The following FYN variants were observed in gnomAD, a reference collection of about 807,000 sequenced individuals.
FYN encodes FYN proto-oncogene, Src family tyrosine kinase.
Under a neutral mutation model 70.2 loss-of-function variants are expected in FYN, and 10 were observed. The observed-to-expected ratio is 0.14, with a 90% CI of 0.09 to 0.24. The LOEUF is 0.24. FYN is among the 10% of genes least tolerant of loss of function. The pLI is 1.00. For synonymous variants in FYN, 236 were observed against 248.6 expected, an observed-to-expected ratio of 0.95 and a Z score of 0.48; for missense variants, 319 against 673.1, an observed-to-expected ratio of 0.47 and a Z score of 5.82.
intron 3 of FYN, among the ~76,000 whole-genome samples, chr6:111,742,967 CTT>C (rs111682950): frequency 1.8e-3 from 253 of 139,122 alleles, no homozygotes; most frequent in African/African-American, 3.1e-3. Context: ...TGATAAGAAT[CTT>C]TTTTTTTTTT....
chr6:111,748,048 T>C (rs1039712097), intron 3 of FYN, among the ~76,000 whole-genome samples: 1 of 152,226 alleles, frequency 6.6e-6, no homozygotes. Flanking sequence ...GATGAAGACA[T>C]AGAAAGCAAA....
intron 2 of FYN, among the ~76,000 whole-genome samples, chr6:111,822,998 T>C (rs888320871): frequency 6.6e-6 from 1 of 152,222 alleles, no homozygotes; most frequent in Non-Finnish European, 1.5e-5. Context: ...TGTAAGGGGA[T>C]GAGCAGTAGG....
chr6:111,700,149 A>G lies in FYN; in HGVS notation c.817T>C (p.Leu273=). 6 of 1,613,976 alleles carry G rather than the reference A, an allele frequency of 3.7e-6. No homozygotes were observed. Among genetic ancestry groups the G allele is most frequent in the Non-Finnish European group, 5.1e-6 (6 of 1,179,982 alleles). ...VWEIPRESLQ[L]IKRLGNGQFG... is the part of the protein sequence containing the mutation. ...TGCCCATTTCCCAGTCTCTTGATCA[A>G]CTGCAGGGATTCTCGAGGGATTTCC... Residue 273 remains leucine, a synonymous_variant, in exon 9 of 14, where the codon TTG becomes CTG. Transcript: ENST00000354650.
At chr6:111,797,479 T>A (rs1041694444) in intron 2 of FYN, among the ~76,000 whole-genome samples, 3 of 151,706 alleles carry the variant, frequency 2.0e-5, no homozygotes, top group Non-Finnish European at 4.4e-5. Flanking sequence ...CTCCAGAATG[T>A]TTAGTACAGC....
intron 3 of FYN, among the ~76,000 whole-genome samples, chr6:111,749,911 T>C (rs1043199469): frequency 6.6e-6 from 1 of 152,046 alleles, no homozygotes; most frequent in Non-Finnish European, 1.5e-5. Context: ...TGGAGACCTC[T>C]AGGAAGACTG....
intron 2 of FYN, among the ~76,000 whole-genome samples, chr6:111,834,726 G>A (rs1223226660): frequency 2.0e-5 from 3 of 152,132 alleles, no homozygotes; most frequent in African/African-American, 7.2e-5. Flanking sequence ...CGGCAGTGCT[G>A]GCCTAGGTCT....
chr6:111,829,351 T>G (rs148479999), intron 2 of FYN, among the ~76,000 whole-genome samples: 154 of 152,238 alleles, frequency 1.0e-3, no homozygotes, highest in African/African-American at 3.6e-3. Context: ...GCTCAACCTA[T>G]CTCACCGGTC....
At chr6:111,843,716 C>G (rs778217307) in intron 2 of FYN, among the ~76,000 whole-genome samples, 1 of 152,158 alleles carries the variant, frequency 6.6e-6, no homozygotes, top group Non-Finnish European at 1.5e-5. Context: ...TTTAAGAGGG[C>G]CTACTATGAG....
intron 10 of FYN, among the ~76,000 whole-genome samples, chr6:111,695,175 G>A (rs958887621): frequency 7.9e-5 from 12 of 152,194 alleles, no homozygotes; most frequent in South Asian, 4.1e-4. Flanking sequence ...ATCCCAGATC[G>A]AGTAAATCAG....
intron 13 of FYN, among the ~76,000 whole-genome samples, chr6:111,666,940 A>G (rs1326005940): frequency 2.0e-5 from 3 of 152,194 alleles, no homozygotes; most frequent in Non-Finnish European, 4.4e-5. Context: ...CCGACATAGC[A>G]TCATTTCCAG....
chr6:111,801,350 T>C (rs770583003), intron 2 of FYN, among the ~76,000 whole-genome samples: 7 of 152,226 alleles, frequency 4.6e-5, no homozygotes, highest in Non-Finnish European at 7.3e-5. Context: ...CAGAGCTCCA[T>C]ACACCGTGTA....
chr6:111,717,941 G>A (rs1285326147), intron 4 of FYN, among the ~76,000 whole-genome samples: 1 of 152,184 alleles, frequency 6.6e-6, no homozygotes, highest in Non-Finnish European at 1.5e-5. Flanking sequence ...TGCAAAGCTA[G>A]GCTCATTTGG....
intron 2 of FYN, among the ~76,000 whole-genome samples, chr6:111,828,672 G>A (rs1193241934): frequency 6.6e-6 from 1 of 152,188 alleles, no homozygotes; most frequent in Non-Finnish European, 1.5e-5. Flanking sequence ...CATTCTATAT[G>A]ATCCACTTAC....
chr6:111,780,503 G>C (rs1771133935), intron 3 of FYN, 63 bp downstream of exon 3: 1 of 152,594 alleles, frequency 6.6e-6, no homozygotes, highest in Admixed American at 6.5e-5. Flanking sequence ...CAAGGCAACA[G>C]CTTCCCTTCG....
intron 12 of FYN, among the ~76,000 whole-genome samples, chr6:111,681,629 T>A (rs745516076): frequency 3.9e-5 from 6 of 152,138 alleles, no homozygotes; most frequent in Non-Finnish European, 8.8e-5. Flanking sequence ...CAGTCCCACC[T>A]CCTTCATGAA....
At chr6:111,743,350 T>G (rs1802067527) in intron 3 of FYN, among the ~76,000 whole-genome samples, 1 of 152,230 alleles carries the variant, frequency 6.6e-6, no homozygotes. Context: ...TATCCCTGTA[T>G]TTCTTACTTT....
chr6:111,669,122 A>G (rs930669146), intron 13 of FYN, among the ~76,000 whole-genome samples: 3 of 152,166 alleles, frequency 2.0e-5, no homozygotes, highest in East Asian at 3.9e-4. Flanking sequence ...CAATGAATGA[A>G]TAAGTGTGGT....
intron 2 of FYN, among the ~76,000 whole-genome samples, chr6:111,793,074 A>G (rs575764798): frequency 6.6e-6 from 1 of 152,364 alleles, no homozygotes; most frequent in Non-Finnish European, 1.5e-5. Flanking sequence ...ACACGATGAA[A>G]CCAGAAACAA....
intron 3 of FYN, among the ~76,000 whole-genome samples, chr6:111,768,252 T>C (rs933293442): frequency 6.6e-5 from 10 of 152,226 alleles, no homozygotes; most frequent in African/African-American, 2.4e-4. Context: ...ATGCTGTGTC[T>C]GGATGTATCT....
Sources: allele counts gnomAD v4.1 joint callset (sites outside exome capture counted in the v4.1 genomes callset), GRCh38; gene constraint gnomAD v4.1.1; transcripts MANE v1.5; gene names NCBI Gene and HGNC (gene_info 2026-07-23, HGNC 2026-07-21).